Variants in ETF1 observed in about 807,000 individuals in gnomAD.
ETF1 encodes eukaryotic peptide chain release factor subunit 1.
Under a neutral mutation model 55.1 loss-of-function variants are expected in ETF1, and 4 were observed. The observed-to-expected ratio is 0.07, with a 90% CI of 0.04 to 0.17. The LOEUF (loss-of-function observed/expected upper bound fraction) is 0.17. ETF1 is among the 10% of genes least tolerant of loss of function. The pLI, the probability that ETF1 is intolerant of heterozygous loss-of-function variation, is 1.00. For missense variants in ETF1, 142 were observed against 523.6 expected, an observed-to-expected ratio of 0.27 and a Z score of 7.11; for synonymous variants, 157 against 182.3, an observed-to-expected ratio of 0.86 and a Z score of 1.12.
chr5:138,514,568 CTTTT>C (rs59685005), intron 4 of ETF1, among the ~76,000 whole-genome samples: 21 of 139,806 alleles, frequency 1.5e-4, no homozygotes, highest in Admixed American at 1.2e-3. Flanking sequence ...TAACTTGTTC[CTTTT>C]TTTTTTTTTT....
chr5:138,512,133 G>A (rs1764808642), intron 6 of ETF1, among the ~76,000 whole-genome samples: 2 of 135,422 alleles, frequency 1.5e-5, no homozygotes, highest in South Asian at 2.5e-4. Context: ...CTGGGAGATC[G>A]AGGCTGCAGT....
At position 138,515,386 on chromosome 5, in the gene ETF1, T is replaced by C. The variant is rs183360254; in HGVS notation, c.403-1680A>G. 4.0e-3 allele frequency among the ~76,000 whole-genome samples: 608 copies of C among 152,052 alleles called. 1 individual carries two copies. The highest frequency in any genetic ancestry group is 0.013 in the African/African-American group (549 of 41,468). ...GTTGCAAGGAGCCGAGATCGTGCCA[T>C]TGCACTCCAGCCTGGGCAACAGAGC... On this transcript the variant is annotated intron_variant, in intron 4 of 10. Coordinates refer to ENST00000360541, the MANE Select transcript of ETF1 (RefSeq NM_004730.4).
intron 2 of ETF1, chr5:138,541,739 G>T: frequency 8.8e-6 from 6 of 679,734 alleles, no homozygotes; most frequent in Admixed American, 5.2e-5. Context: ...ATACAAGTAT[G>T]TAATAATGTT....
Position 138,508,540 on chromosome 5 carries a change from C to T in ETF1, c.1231+129G>A, listed in dbSNP as rs1764641561. On this transcript the variant is annotated intron_variant, in intron 10 of 10. Coordinates refer to ENST00000360541, the MANE Select transcript of ETF1 (RefSeq NM_004730.4). The stretch of plus-strand genomic sequence containing the variant: ...AACATGGGTCCAAATTAGGAACCTG[C>T]ACCTGCTGCGTCAATCACCTATCCC... 5 of 1,553,904 alleles carry T rather than the reference C, an allele frequency of 3.2e-6. No individual in the cohort carries two copies. In the Admixed American group the frequency reaches 7.8e-5, roughly 24 times the overall value.
intron 2 of ETF1, among the ~76,000 whole-genome samples, chr5:138,532,384 T>C (rs981526635): frequency 6.6e-6 from 1 of 152,208 alleles, no homozygotes; most frequent in Non-Finnish European, 1.5e-5. Flanking sequence ...CAAATCCCTG[T>C]GGGTCTGTTT....
Position 138,511,006 on chromosome 5 carries a change from TC to T in ETF1, c.1018+38del, listed in dbSNP as rs766839952. On this transcript the variant is annotated intron_variant, in intron 8 of 10. Coordinates refer to ENST00000360541, the MANE Select transcript of ETF1 (RefSeq NM_004730.4). ...AAATCTCCACCCCAGGCTTCCTGGCTCAGTAACAAATAGCAACCTTATTTTC... is the reference window on the plus strand; with the variant it reads ...AAATCTCCACCCCAGGCTTCCTGGCTAGTAACAAATAGCAACCTTATTTTC... The T allele has an allele frequency of 1.2e-5, 20 of 1,600,196 alleles. No individual in the cohort carries two copies. In the African/African-American group the frequency reaches 2.3e-4, roughly 18 times the overall value.
intron 2 of ETF1, among the ~76,000 whole-genome samples, chr5:138,524,865 C>G (rs565939749): frequency 6.6e-5 from 10 of 151,822 alleles, no homozygotes; most frequent in African/African-American, 2.2e-4. Flanking sequence ...CATGAGCCAC[C>G]GTGCCCGGCC....
rs1764754860 is a variant in ETF1 at position 138,511,058 on chromosome 5, G to A, written c.1005C>T (p.Cys335=). 1 of 1,613,348 alleles carries A rather than the reference G, an allele frequency of 6.2e-7. No homozygotes were observed. Among genetic ancestry groups the A allele is most frequent in the Non-Finnish European group, 8.5e-7 (1 of 1,179,522 alleles). The change falls in exon 8 of 11, where the codon TGC becomes TGT. Residue 335 remains cysteine, a synonymous_variant. Coordinates refer to ENST00000360541, the MANE Select transcript of ETF1 (RefSeq NM_004730.4). ...TAATTCTCATACCTTCTGTGCCTTG[G>A]CAATGAAGAACATATCTCATTATAT... ...NLDIMRYVLH[C]QGTEEEKILY... is the part of the protein sequence containing the mutation.
At chr5:138,510,417 C>A in intron 9 of ETF1, 148 bp downstream of exon 9, 1 of 253,508 alleles carries the variant, frequency 3.9e-6, no homozygotes, top group Non-Finnish European at 8.3e-6. Flanking sequence ...AAATCAGATT[C>A]GTATGTGGCA....
chr5:138,517,737 A>T, intron 3 of ETF1, 37 bp from the exon 4 acceptor site: 2 of 1,391,160 alleles, frequency 1.4e-6, no homozygotes, highest in Non-Finnish European at 1.9e-6. Flanking sequence ...ACTTTACCCC[A>T]TATCTAGTTT....
intron 2 of ETF1, among the ~76,000 whole-genome samples, chr5:138,531,503 C>A (rs191712756): frequency 2.8e-4 from 43 of 152,214 alleles, no homozygotes; most frequent in Non-Finnish European, 4.7e-4. Flanking sequence ...CGAACACTCA[C>A]TCCCCCTCAA....
intron 2 of ETF1, among the ~76,000 whole-genome samples, chr5:138,524,725 A>C (rs538592737): frequency 6.0e-5 from 9 of 151,118 alleles, no homozygotes; most frequent in South Asian, 2.1e-4. Context: ...CTACAGGCAC[A>C]CGCCATCACA....
At position 138,528,087 on chromosome 5, in the gene ETF1, A is replaced by C. The variant is rs141274284; in HGVS notation, c.87-9220T>G. On this transcript the variant is annotated intron_variant, in intron 2 of 10. Coordinates refer to ENST00000360541, the MANE Select transcript of ETF1 (RefSeq NM_004730.4). ...ATGCCCGGCTGGAAGTTTTTTCTTA[A>C]AAGGTGTTGGTTTTTTAAAAAGCCG... is the stretch of plus-strand genomic sequence containing the variant. Among the ~76,000 whole-genome samples, 1,021 of 152,204 alleles carry C rather than the reference A, an allele frequency of 6.7e-3. 8 individuals are homozygous for C. Among genetic ancestry groups the C allele is most frequent in the Middle Eastern group, 0.051 (15 of 292 alleles).
chr5:138,516,000 A>G (rs1765002822), intron 4 of ETF1, among the ~76,000 whole-genome samples: 1 of 152,196 alleles, frequency 6.6e-6, no homozygotes, highest in Admixed American at 6.5e-5. Flanking sequence ...GGTTGATGAA[A>G]GGCAAGAGAA....
At chr5:138,541,465 T>C in intron 2 of ETF1, 1 of 1,313,682 alleles carries the variant, frequency 7.6e-7, no homozygotes, top group Non-Finnish European at 1.1e-6. Flanking sequence ...AGAAGCCTCA[T>C]TCCAAACAGA....
intron 2 of ETF1, among the ~76,000 whole-genome samples, chr5:138,537,327 T>A (rs989408598): frequency 3.3e-5 from 5 of 152,336 alleles, no homozygotes; most frequent in Admixed American, 2.0e-4. Flanking sequence ...ACAGAATCAA[T>A]GTTTGTATAT....
chr5:138,537,057 T>C (rs1415350099), intron 2 of ETF1, among the ~76,000 whole-genome samples: 13 of 152,192 alleles, frequency 8.5e-5, no homozygotes, highest in Admixed American at 4.6e-4. Context: ...AAGGGAGTAA[T>C]TGTTCATTAG....
Position 138,541,410 on chromosome 5 carries a change from C to T in ETF1, c.86+1423G>A, listed in dbSNP as rs1766166494. The T allele has an allele frequency of 3.2e-5, 23 of 719,646 alleles. No individual in the cohort carries two copies. The South Asian group carries it at 3.5e-4, about 11-fold the overall frequency. The allele number at this position is 719,646 out of a possible 1,614,324, so 44.6% of individuals were successfully genotyped here. ...TTAAACTAACGTTTCTCCAGTAAAC[C>T]GAAGGAGTGAGCACAAGCCCGTCAC... On this transcript the variant is annotated intron_variant, in intron 2 of 10. Transcript: ENST00000360541.
intron 2 of ETF1, among the ~76,000 whole-genome samples, chr5:138,525,302 C>T (rs1388553601): frequency 2.0e-5 from 3 of 151,942 alleles, no homozygotes; most frequent in African/African-American, 4.8e-5. Flanking sequence ...GGAGTACAGG[C>T]GTGCGCCACC....
Sources: allele counts gnomAD v4.1 joint callset (sites outside exome capture counted in the v4.1 genomes callset), GRCh38; gene constraint gnomAD v4.1.1; transcripts MANE v1.5; gene names NCBI Gene and HGNC (gene_info 2026-07-23, HGNC 2026-07-21).